Variants in EFR3A observed in about 807,000 individuals in gnomAD.
The protein encoded by EFR3A is protein EFR3 homolog A.
EFR3A carries 76 observed loss-of-function variants against 104.4 expected under a neutral mutation model. That is an observed-to-expected ratio of 0.73 (90% CI 0.60 to 0.88). The LOEUF is 0.88. Among genes scored for constraint, EFR3A ranks in the 40% least tolerant of loss-of-function variants. The pLI is 0.00. For synonymous variants in EFR3A, 330 were observed against 330.0 expected, an observed-to-expected ratio of 1.00 and a Z score of 0.00; for missense variants, 985 against 1,012.5, an observed-to-expected ratio of 0.97 and a Z score of 0.37.
intron 22 of EFR3A, 70 bp from the exon 23 acceptor site, chr8:132,010,720 G>T: frequency 4.5e-6 from 7 of 1,542,276 alleles, no homozygotes; most frequent in Non-Finnish European, 6.2e-6. Context: ...GCAGATAGTA[G>T]ATAGAATACT....
At chr8:131,986,116 G>A (rs1820863907) in intron 16 of EFR3A, 78 bp from the exon 17 acceptor site, 1 of 599,800 alleles carries the variant, frequency 1.7e-6, no homozygotes, top group Admixed American at 3.6e-5. Context: ...TTTTTTTTAA[G>A]CTGTTTTCTG....
At chr8:131,975,003 T>C (rs1038296215) in intron 10 of EFR3A, among the ~76,000 whole-genome samples, 7 of 152,352 alleles carry the variant, frequency 4.6e-5, no homozygotes, top group South Asian at 4.1e-4. Flanking sequence ...TCTGTTCCAA[T>C]CTTTCAAAGA....
At chr8:131,976,587 G>T (rs7016341) in intron 11 of EFR3A, among the ~76,000 whole-genome samples, 6,290 of 152,022 alleles carry the variant, frequency 0.041, 320 homozygotes, top group East Asian at 0.12. Flanking sequence ...TGTGAATGTT[G>T]TTTTGTTAAT....
rs557324791 is a variant in EFR3A, at chr8:131,945,948, G to A, written c.216-535G>A. Among the ~76,000 whole-genome samples the A allele has an allele frequency of 6.6e-5, 10 of 151,954 alleles. No homozygotes were observed. In the South Asian group the frequency reaches 1.9e-3, roughly 28 times the overall value. ...CTTCATCCCTCCACACCCTGCCCTC[G>A]CAACCGCACTTACATGCCCTTCCTA... On this transcript the variant is annotated intron_variant, in intron 3 of 22. Coordinates refer to ENST00000254624, the MANE Select transcript of EFR3A (RefSeq NM_015137.6).
chr8:131,981,278 A>G (rs1820599079), intron 14 of EFR3A, among the ~76,000 whole-genome samples: 1 of 152,020 alleles, frequency 6.6e-6, no homozygotes, highest in South Asian at 2.1e-4. Flanking sequence ...TTTGCTAGTC[A>G]ACCAATTTGA....
At chr8:131,946,028 A>G (rs1818421731) in intron 3 of EFR3A, among the ~76,000 whole-genome samples, 1 of 152,018 alleles carries the variant, frequency 6.6e-6, no homozygotes, top group African/African-American at 2.4e-5. Flanking sequence ...GATGAATTGT[A>G]AAGTAATATT....
chr8:131,975,410 C>CTTTTTTTTTTTTTTTTTTTTTTTTT (rs760100564), intron 10 of EFR3A, among the ~76,000 whole-genome samples: 1 of 102,184 alleles, frequency 9.8e-6, no homozygotes, highest in Non-Finnish European at 2.0e-5. Flanking sequence ...TTTTTTTTTC[C>CTTTTTTTTTTTTTTTTTTTTTTTTT]TATTTTTTTT....
rs571926721 is a variant in EFR3A at position 131,972,988 on chromosome 8, A to G, written c.1159+2345A>G. On this transcript the variant is annotated intron_variant, in intron 10 of 22. Transcript: ENST00000254624. ...AGTTCTTGTACTAGGGCCTCATGAT[A>G]CATGGGGCTCTCACCTTGTAGAGGC... is the stretch of plus-strand genomic sequence containing the variant. 6.6e-5 allele frequency among the ~76,000 whole-genome samples: 10 copies of G among 150,858 alleles called. No individual in the cohort carries two copies. In the South Asian group the frequency reaches 1.9e-3, roughly 29 times the overall value.
At chr8:131,941,287 A>G (rs1326208761) in intron 2 of EFR3A, among the ~76,000 whole-genome samples, 1 of 152,040 alleles carries the variant, frequency 6.6e-6, no homozygotes, top group African/African-American at 2.4e-5. Flanking sequence ...TTTGTTTCAC[A>G]TTGCCTCAAC....
chr8:131,996,527 C>G, intron 19 of EFR3A, 30 bp downstream of exon 19: 1 of 1,465,606 alleles, frequency 6.8e-7, no homozygotes, highest in Non-Finnish European at 9.3e-7. Context: ...TGGTAGAGTA[C>G]TGTCTTGGTA....
intron 15 of EFR3A, 52 bp downstream of exon 15, chr8:131,984,352 A>C (rs16904564): frequency 0.35 from 504,765 of 1,430,392 alleles, 92,630 homozygotes; most frequent in East Asian, 0.64. Flanking sequence ...AAAGCAGACA[A>C]CATCTTTGAA....
At position 131,979,348 on chromosome 8, in the gene EFR3A, T is replaced by C; in HGVS notation, c.1502T>C (p.Ile501Thr). Reference sequence around the variant, plus strand: ...AATGATATATTGATCGTCTCTAGAATAATACCGGATGTAGCTGACCTAAAG... The same window carrying C: ...AATGATATATTGATCGTCTCTAGAACAATACCGGATGTAGCTGACCTAAAG... ...DNRAKLRGIR[I>T]IPDVADLKIK... Residue 501 changes from isoleucine to threonine, a missense_variant and splice_region_variant, in exon 14 of 23, where the codon ATA becomes ACA. Transcript: ENST00000254624. 6.4e-7 allele frequency: 1 copy of C among 1,557,818 alleles called. No homozygotes were observed. The highest frequency in any genetic ancestry group is 8.7e-7 in the Non-Finnish European group (1 of 1,148,516).
chr8:131,971,029 A>G (rs1019263276), intron 10 of EFR3A, among the ~76,000 whole-genome samples: 7 of 152,174 alleles, frequency 4.6e-5, no homozygotes, highest in African/African-American at 1.7e-4. Flanking sequence ...ACCACGAGAT[A>G]CAGGAAGTTG....
At chr8:132,009,170 T>C (rs1822195652) in intron 22 of EFR3A, among the ~76,000 whole-genome samples, 1 of 151,982 alleles carries the variant, frequency 6.6e-6, no homozygotes, top group African/African-American at 2.4e-5. Context: ...GTGCATTTAT[T>C]AATTAAAATG....
intron 14 of EFR3A, among the ~76,000 whole-genome samples, chr8:131,981,156 A>G (rs922209932): frequency 2.0e-5 from 3 of 151,944 alleles, no homozygotes; most frequent in Admixed American, 2.0e-4. Context: ...AACTCAATTT[A>G]TAACTAATTT....
rs145456137 is a variant in EFR3A, at chr8:131,910,048, T to A, written c.10+5726T>A. ...ACCCTGGCCTGGGATTGACTGTCAG[T>A]TTCCTTCAGGGAGCCAGGGTGGGCA... On this transcript the variant is annotated intron_variant, in intron 1 of 22. Coordinates refer to ENST00000254624, the MANE Select transcript of EFR3A (RefSeq NM_015137.6). Among the ~76,000 whole-genome samples the A allele has an allele frequency of 1.8e-3, 267 of 152,276 alleles. 4 individuals are homozygous for A. In the East Asian group the frequency reaches 0.018, roughly 10 times the overall value.
At chr8:131,988,122 A>G (rs1820989766) in intron 18 of EFR3A, among the ~76,000 whole-genome samples, 1 of 152,106 alleles carries the variant, frequency 6.6e-6, no homozygotes, top group Non-Finnish European at 1.5e-5. Flanking sequence ...TTATATAAAT[A>G]AAACTACAAA....
At chr8:131,987,214 AT>A (rs921707110) in intron 17 of EFR3A, among the ~76,000 whole-genome samples, 14 of 150,228 alleles carry the variant, frequency 9.3e-5, no homozygotes, top group East Asian at 3.9e-4. Flanking sequence ...TGGGCTAATG[AT>A]TTTTTTTTTA....
rs369573495 is a variant in EFR3A, at chr8:131,944,855, T to G, written c.198T>G (p.Val66=). 6.2e-7 allele frequency: 1 copy of G among 1,610,750 alleles called. No individual in the cohort carries two copies. The highest frequency in any genetic ancestry group is 1.1e-5 in the South Asian group (1 of 90,634). The change falls in exon 3 of 23, where the codon GTT becomes GTG. Residue 66 remains valine, a synonymous_variant. Transcript: ENST00000254624. ...TGGCAGAAAGGTTGAGCAGGGATGTTGTCAGACATCGTTCTGGGTAAGGAA... is the reference window on the plus strand; with the variant it reads ...TGGCAGAAAGGTTGAGCAGGGATGTGGTCAGACATCGTTCTGGGTAAGGAA... ...SYLAERLSRD[V]VRHRSGYVLI... is the part of the protein sequence containing the mutation.
Sources: allele counts gnomAD v4.1 joint callset (sites outside exome capture counted in the v4.1 genomes callset), GRCh38; gene constraint gnomAD v4.1.1; transcripts MANE v1.5; gene names NCBI Gene and HGNC (gene_info 2026-07-23, HGNC 2026-07-21).